Variants in TMPRSS11E observed in about 807,000 individuals in gnomAD.
TMPRSS11E encodes the protein transmembrane serine protease 11E, also known as transmembrane protease serine 11E.
Under a neutral mutation model 48.1 loss-of-function variants are expected in TMPRSS11E, and 38 were observed. The observed-to-expected ratio is 0.79, with a 90% CI of 0.61 to 1.04. The LOEUF is 1.04. Ranked by LOEUF, TMPRSS11E falls within the 50% of genes least tolerant of loss-of-function variation. The probability of loss-of-function intolerance (pLI) is 0.00; values close to 1 mark genes in which losing one functional copy is unlikely to be tolerated. For synonymous variants in TMPRSS11E, 158 were observed against 171.9 expected (o/e 0.92, Z 0.63); for missense variants, 530 against 510.8 (o/e 1.04, Z -0.36).
In TMPRSS11E at chr4:68,496,727, G is replaced by T; in HGVS notation, c.1195G>T (p.Ala399Ser). ...AATAGTGAGCTGGGGAGATGAATGT[G>T]CGAAACCCAACAAGCCTGGTGTTTA... ...AGIVSWGDEC[A>S]KPNKPGVYTR... The change falls in exon 10 of 10, where the codon GCG becomes TCG. Residue 399 changes from alanine to serine, a missense_variant. Coordinates refer to ENST00000305363, the MANE Select transcript of TMPRSS11E (RefSeq NM_014058.4). 1 of 1,613,748 alleles carries T rather than the reference G, an allele frequency of 6.2e-7. No individual in the cohort carries two copies. Among genetic ancestry groups the T allele is most frequent in the Non-Finnish European group, 8.5e-7 (1 of 1,179,720 alleles).
At chr4:68,493,213 C>T (rs1729777432) in intron 9 of TMPRSS11E, among the ~76,000 whole-genome samples, 1 of 151,972 alleles carries the variant, frequency 6.6e-6, no homozygotes, top group Non-Finnish European at 1.5e-5. Context: ...CAACTCATGG[C>T]CAACCTTACG....
intron 9 of TMPRSS11E, among the ~76,000 whole-genome samples, chr4:68,479,357 A>C (rs1038753587): frequency 1.6e-4 from 25 of 152,054 alleles, no homozygotes; most frequent in Non-Finnish European, 2.9e-4. Context: ...TTCAATTTTC[A>C]GAATGTTATA....
chr4:68,484,070 T>G (rs1160434840), intron 9 of TMPRSS11E, among the ~76,000 whole-genome samples: 2 of 152,212 alleles, frequency 1.3e-5, no homozygotes, highest in Non-Finnish European at 2.9e-5. Flanking sequence ...TCTGGTAGTG[T>G]GATGCCACCA....
chr4:68,489,494 G>A (rs753492873), intron 9 of TMPRSS11E, among the ~76,000 whole-genome samples: 28 of 152,200 alleles, frequency 1.8e-4, no homozygotes, highest in Non-Finnish European at 3.8e-4. Context: ...GCGTGCTGGT[G>A]GTGGGGCAGT....
In TMPRSS11E at chr4:68,478,931, C is replaced by T. The variant is rs906074511; in HGVS notation, c.1050C>T (p.Asp350=). The change falls in exon 9 of 10, where the codon GAC becomes GAT. Residue 350 remains aspartate, a synonymous_variant. Coordinates refer to ENST00000305363, the MANE Select transcript of TMPRSS11E (RefSeq NM_014058.4). ...TTCNEPQAYN[D]AITPRMLCAG... ...GCAATGAACCTCAAGCTTACAATGA[C>T]GCCATAACTCCTAGAATGTTATGTG... 2.0e-5 allele frequency: 33 copies of T among 1,613,882 alleles called. No individual in the cohort carries two copies. The highest frequency in any genetic ancestry group is 4.0e-5 in the African/African-American group (3 of 74,886).
Position 68,466,700 on chromosome 4 carries a change from G to A in TMPRSS11E, c.206G>A (p.Gly69Asp). The A allele has an allele frequency of 1.2e-6, 2 of 1,613,632 alleles. No individual in the cohort carries two copies. The change falls in exon 3 of 10, where the codon GGC (glycine) becomes GAC (aspartate). Residue 69 changes from glycine to aspartate, a missense_variant. Physicochemically the swap from Gly to Asp is moderately conservative, Grantham distance 94. Transcript: ENST00000305363. ...ACTGACAAACTATATGCTGAGTTTG[G>A]CAGAGAGGCTTCTAACAATTTTACA... ...FTTDKLYAEF[G>D]REASNNFTEM...
chr4:68,493,330 T>C (rs1729780990), intron 9 of TMPRSS11E, among the ~76,000 whole-genome samples: 1 of 152,198 alleles, frequency 6.6e-6, no homozygotes, highest in African/African-American at 2.4e-5. Flanking sequence ...TCTGAAAATG[T>C]CCCCATTCAA....
At chr4:68,492,835 T>C (rs1054888815) in intron 9 of TMPRSS11E, among the ~76,000 whole-genome samples, 4 of 152,144 alleles carry the variant, frequency 2.6e-5, no homozygotes, top group African/African-American at 7.2e-5. Flanking sequence ...ACGACTACCA[T>C]GAATAATGAG....
intron 3 of TMPRSS11E, 30 bp downstream of exon 3, chr4:68,466,782 A>T (rs1728939056): frequency 6.2e-7 from 1 of 1,611,822 alleles, no homozygotes; most frequent in African/African-American, 1.3e-5. Flanking sequence ...CTTCTAGTGC[A>T]TTTGCTTTCA....
chr4:68,451,687 T>A (rs1225472909), intron 1 of TMPRSS11E, among the ~76,000 whole-genome samples: 2 of 151,982 alleles, frequency 1.3e-5, no homozygotes, highest in Non-Finnish European at 2.9e-5. Flanking sequence ...TAGTTTCACA[T>A]GTACTATCTG....
At chr4:68,457,397 A>G (rs1398375224) in intron 1 of TMPRSS11E, among the ~76,000 whole-genome samples, 1 of 152,182 alleles carries the variant, frequency 6.6e-6, no homozygotes, top group Non-Finnish European at 1.5e-5. Context: ...TCAGGAAACA[A>G]CAGATGTTGG....
chr4:68,472,629 A>G (rs1475162098), intron 5 of TMPRSS11E, among the ~76,000 whole-genome samples: 1 of 152,024 alleles, frequency 6.6e-6, no homozygotes, highest in East Asian at 1.9e-4. Context: ...ACAAACTGCT[A>G]ATATAATATC....
At chr4:68,474,853 G>C (rs1049608609) in intron 6 of TMPRSS11E, 92 bp downstream of exon 6, 14 of 984,268 alleles carry the variant, frequency 1.4e-5, no homozygotes, top group Admixed American at 2.6e-5. Context: ...TGATATCATA[G>C]GGACAGAACA....
At chr4:68,473,215 A>C (rs1262082605) in intron 5 of TMPRSS11E, among the ~76,000 whole-genome samples, 1 of 152,094 alleles carries the variant, frequency 6.6e-6, no homozygotes, top group African/African-American at 2.4e-5. Flanking sequence ...TGTAGTTTTC[A>C]GCAAAAGTTG....
chr4:68,472,568 A>T (rs1260170157), intron 5 of TMPRSS11E, among the ~76,000 whole-genome samples: 3 of 152,032 alleles, frequency 2.0e-5, no homozygotes, highest in African/African-American at 7.2e-5. Context: ...ACAGTAGTGG[A>T]TATGGCAGCA....
intron 1 of TMPRSS11E, among the ~76,000 whole-genome samples, chr4:68,450,536 A>C (rs1307247643): frequency 2.0e-5 from 3 of 151,968 alleles, no homozygotes; most frequent in Non-Finnish European, 4.4e-5. Flanking sequence ...AATAGATGGC[A>C]ACAGAGAAAT....
intron 9 of TMPRSS11E, among the ~76,000 whole-genome samples, chr4:68,493,104 T>C (rs1284495392): frequency 1.3e-5 from 2 of 152,136 alleles, no homozygotes; most frequent in Non-Finnish European, 2.9e-5. Context: ...CTTAATCTTT[T>C]ATTTTATAAT....
In TMPRSS11E at chr4:68,471,168, G is replaced by C. The variant is rs907161283; in HGVS notation, c.327-292G>C. On this transcript the variant is annotated intron_variant, in intron 4 of 9. Coordinates refer to ENST00000305363, the MANE Select transcript of TMPRSS11E (RefSeq NM_014058.4). ...AAACATTTATGGATGTATTTTATGTGTGCATTTCATGTAAGTGATAAAGAA... is the reference window on the plus strand; with the variant it reads ...AAACATTTATGGATGTATTTTATGTCTGCATTTCATGTAAGTGATAAAGAA... Among the ~76,000 whole-genome samples the C allele has an allele frequency of 2.0e-5, 3 of 151,946 alleles. No individual in the cohort carries two copies. In the East Asian group the frequency reaches 5.8e-4, roughly 29 times the overall value.
At chr4:68,449,325 G>T (rs1287679643) in intron 1 of TMPRSS11E, among the ~76,000 whole-genome samples, 1 of 151,674 alleles carries the variant, frequency 6.6e-6, no homozygotes, top group Non-Finnish European at 1.5e-5. Context: ...ACAGATTTGG[G>T]AAGAGAAGAA....
Sources: allele counts gnomAD v4.1 joint callset (sites outside exome capture counted in the v4.1 genomes callset), GRCh38; gene constraint gnomAD v4.1.1; transcripts MANE v1.5; gene names NCBI Gene and HGNC (gene_info 2026-07-23, HGNC 2026-07-21).